The following EYS variants were observed in gnomAD, a reference collection of about 807,000 sequenced individuals.
The protein encoded by EYS is EGF-like photoreceptor maintenance factor, also known as protein eyes shut homolog.
In EYS, 250 loss-of-function variants were observed where a neutral mutation model predicts 282.1. The ratio of observed to expected loss-of-function variants is 0.89; its 90% CI spans 0.80 to 0.98. EYS has a LOEUF of 0.98. EYS is among the 50% of genes least tolerant of loss of function. EYS has a pLI of 0.00. For synonymous variants in EYS, 1,355 were observed against 1,282.9 expected, an observed-to-expected ratio of 1.06 and a Z score of -1.20; for missense variants, 4,016 against 3,709.0, an observed-to-expected ratio of 1.08 and a Z score of -2.15.
At chr6:64,455,046 G>A (rs1195617316) in intron 26 of EYS, among the ~76,000 whole-genome samples, 3 of 151,996 alleles carry the variant, frequency 2.0e-5, no homozygotes, top group Non-Finnish European at 2.9e-5. Flanking sequence ...TACATATTGA[G>A]CAACCTTGTC....
At chr6:64,372,711 T>C (rs1363380699) in intron 29 of EYS, among the ~76,000 whole-genome samples, 4 of 152,218 alleles carry the variant, frequency 2.6e-5, no homozygotes, top group African/African-American at 7.2e-5. Flanking sequence ...CTTTACATAA[T>C]CCCATATTTG....
rs145857632 is a variant in EYS at position 64,668,381 on chromosome 6, G to A, written c.3444-42136C>T. Among the ~76,000 whole-genome samples, 796 of 152,054 alleles carry A rather than the reference G, an allele frequency of 5.2e-3. 6 individuals carry two copies. The highest frequency in any genetic ancestry group is 0.018 in the African/African-American group (732 of 41,464). ...TATACTTCACAAAAAGGTCCCCTGCGGTGTAGACATTGGAAAAGGTCAAAA... is the reference window on the plus strand; with the variant it reads ...TATACTTCACAAAAAGGTCCCCTGCAGTGTAGACATTGGAAAAGGTCAAAA... On this transcript the variant is annotated intron_variant, in intron 22 of 42. Transcript: ENST00000503581.
At chr6:65,588,930 T>C (rs750975207) in intron 2 of EYS, among the ~76,000 whole-genome samples, 1 of 152,034 alleles carries the variant, frequency 6.6e-6, no homozygotes, top group African/African-American at 2.4e-5. Flanking sequence ...GGCAAATCAA[T>C]GACTTTTATA....
chr6:65,701,120 G>T (rs1048648419), intron 1 of EYS, among the ~76,000 whole-genome samples: 9 of 152,090 alleles, frequency 5.9e-5, no homozygotes, highest in African/African-American at 2.2e-4. Context: ...TCCAGGAGAG[G>T]AATACTTGCC....
intron 35 of EYS, among the ~76,000 whole-genome samples, chr6:63,902,435 GGTAAAT>G (rs1250143362): frequency 6.6e-6 from 1 of 152,036 alleles, no homozygotes; most frequent in African/African-American, 2.4e-5. Flanking sequence ...TACTGGAAAT[GGTAAAT>G]GTGCAGCAAA....
At chr6:63,982,272 G>A (rs2149790808) in intron 35 of EYS, among the ~76,000 whole-genome samples, 1 of 151,932 alleles carries the variant, frequency 6.6e-6, no homozygotes, top group South Asian at 2.1e-4. Context: ...CATACTAACA[G>A]TTAACTCACA....
intron 2 of EYS, among the ~76,000 whole-genome samples, chr6:65,554,740 C>T (rs930215613): frequency 9.2e-5 from 14 of 152,110 alleles, no homozygotes; most frequent in East Asian, 1.9e-4. Context: ...AAGTGAATGA[C>T]GGCCTTCTGT....
intron 2 of EYS, among the ~76,000 whole-genome samples, chr6:65,629,421 G>A (rs1033808187): frequency 6.6e-6 from 1 of 152,132 alleles, no homozygotes; most frequent in African/African-American, 2.4e-5. Flanking sequence ...AAAGTCACTA[G>A]ATATCGACCA....
chr6:65,685,528 T>C (rs1315475568), intron 1 of EYS, among the ~76,000 whole-genome samples: 3 of 152,078 alleles, frequency 2.0e-5, no homozygotes, highest in Admixed American at 6.6e-5. Context: ...TAGAGTATAA[T>C]TGAAGGCAAG....
chr6:64,275,686 G>A (rs1236220317), intron 30 of EYS, among the ~76,000 whole-genome samples: 2 of 151,672 alleles, frequency 1.3e-5, no homozygotes, highest in Non-Finnish European at 2.9e-5. Flanking sequence ...GCCAGGCGCG[G>A]TGGCTCACCC....
At chr6:64,969,845 C>A (rs1770226995) in intron 14 of EYS, among the ~76,000 whole-genome samples, 1 of 152,112 alleles carries the variant, frequency 6.6e-6, no homozygotes, top group Non-Finnish European at 1.5e-5. Flanking sequence ...GTCTCAAAGG[C>A]CTAGTAGAAT....
chr6:64,036,429 G>C (rs1712772057), intron 33 of EYS, among the ~76,000 whole-genome samples: 1 of 152,182 alleles, frequency 6.6e-6, no homozygotes, highest in Non-Finnish European at 1.5e-5. Context: ...TAATGACATT[G>C]TTCCAGACAT....
intron 24 of EYS, among the ~76,000 whole-genome samples, chr6:64,596,867 G>A (rs577744179): frequency 6.6e-6 from 1 of 152,244 alleles, no homozygotes; most frequent in Admixed American, 6.5e-5. Flanking sequence ...ATGGAATTGA[G>A]TTAAACTAAG....
At chr6:64,222,369 C>T (rs188470913) in intron 31 of EYS, among the ~76,000 whole-genome samples, 1 of 151,864 alleles carries the variant, frequency 6.6e-6, no homozygotes, top group African/African-American at 2.4e-5. Flanking sequence ...CCAGAGACCA[C>T]ACGTTTTGTT....
intron 12 of EYS, among the ~76,000 whole-genome samples, chr6:65,277,388 A>T (rs1479288134): frequency 6.6e-6 from 1 of 150,994 alleles, no homozygotes. Context: ...AGCTGAGATC[A>T]TGCCACTGCA....
chr6:65,251,795 C>CA (rs1265346885), intron 12 of EYS, among the ~76,000 whole-genome samples: 1 of 151,990 alleles, frequency 6.6e-6, no homozygotes, highest in African/African-American at 2.4e-5. Context: ...GGTTCTGACT[C>CA]AAAGAGTGGG....
chr6:63,991,242 C>G (rs1257801406), intron 34 of EYS, among the ~76,000 whole-genome samples: 1 of 151,630 alleles, frequency 6.6e-6, no homozygotes, highest in Non-Finnish European at 1.5e-5. Flanking sequence ...AAAGGTCTTT[C>G]CCTGTACAAA....
intron 22 of EYS, among the ~76,000 whole-genome samples, chr6:64,682,308 C>T (rs1583034434): frequency 1.3e-5 from 2 of 152,014 alleles, no homozygotes; most frequent in East Asian, 3.9e-4. Flanking sequence ...GTGGAGTTTG[C>T]AGTGAGCCGA....
chr6:65,288,300 A>C (rs1156505548), intron 12 of EYS, among the ~76,000 whole-genome samples: 1 of 150,860 alleles, frequency 6.6e-6, no homozygotes, highest in Non-Finnish European at 1.5e-5. Flanking sequence ...AAGTTCTGAC[A>C]AAAAATATGG....
Sources: allele counts gnomAD v4.1 joint callset (sites outside exome capture counted in the v4.1 genomes callset), GRCh38; gene constraint gnomAD v4.1.1; transcripts MANE v1.5; gene names NCBI Gene and HGNC (gene_info 2026-07-23, HGNC 2026-07-21).